The following KIF1A variants were observed in gnomAD, a reference collection of about 807,000 sequenced individuals.
The protein encoded by KIF1A is kinesin-like protein KIF1A.
KIF1A carries 46 observed loss-of-function variants against 227.3 expected under a neutral mutation model. The observed-to-expected ratio is 0.20, with a 90% confidence interval of 0.16 to 0.26. The LOEUF (loss-of-function observed/expected upper bound fraction) is 0.26. Among genes scored for constraint, KIF1A ranks in the 10% least tolerant of loss-of-function variants. The pLI is 1.00. For synonymous variants in KIF1A, 1,022 were observed against 1,012.8 expected (o/e 1.01, Z -0.17); for missense variants, 1,683 against 2,485.9 (o/e 0.68, Z 6.87).
chr2:240,759,679 C>T (rs1188932077), intron 25 of KIF1A, among the ~76,000 whole-genome samples: 3 of 152,150 alleles, frequency 2.0e-5, no homozygotes, highest in Admixed American at 6.5e-5. Context: ...CCACTGATGG[C>T]GCTGACCTCA....
chr2:240,756,169 G>A (rs1197895941), intron 27 of KIF1A, among the ~76,000 whole-genome samples: 2 of 152,098 alleles, frequency 1.3e-5, no homozygotes, highest in Admixed American at 1.3e-4. Context: ...CTGCGATCTG[G>A]GGCCACCCTT....
At chr2:240,772,125 G>C (rs1031399047) in intron 14 of KIF1A, among the ~76,000 whole-genome samples, 1 of 152,232 alleles carries the variant, frequency 6.6e-6, no homozygotes, top group Non-Finnish European at 1.5e-5. Context: ...GGGGGGTCAG[G>C]TCAGCTGGAG....
At position 240,782,784 on chromosome 2, in the gene KIF1A, G is replaced by A. The variant is rs144572902; in HGVS notation, c.865-177C>T. ...GGGTCCCTCCAGGGCCGCCCTTCCC[G>A]GGCCCAGGCCTGGGCTGCCTGCTGC... On this transcript the variant is annotated intron_variant, in intron 9 of 48. Coordinates refer to ENST00000498729, the MANE Select transcript of KIF1A (RefSeq NM_001244008.2). Among the ~76,000 whole-genome samples the A allele has an allele frequency of 2.0e-5, 3 of 152,228 alleles. No individual in the cohort carries two copies. The East Asian group carries it at 5.8e-4, about 30-fold the overall frequency.
intron 10 of KIF1A, among the ~76,000 whole-genome samples, chr2:240,776,887 C>T (rs76933347): frequency 0.029 from 4,446 of 152,284 alleles, 234 homozygotes; most frequent in African/African-American, 0.1. Flanking sequence ...TTGAGACTCC[C>T]AGTCAAAGGG....
At chr2:240,808,227 C>G (rs1027253737) in intron 1 of KIF1A, among the ~76,000 whole-genome samples, 1 of 151,534 alleles carries the variant, frequency 6.6e-6, no homozygotes, top group African/African-American at 2.4e-5. Context: ...ATCTGCAGAC[C>G]ATTTGCTCAT....
At chr2:240,760,882 G>A (rs1459642721) in intron 24 of KIF1A, 39 bp from the exon 25 acceptor site, 4 of 1,573,766 alleles carry the variant, frequency 2.5e-6, no homozygotes, top group African/African-American at 1.4e-5. Context: ...AGCTCCTTGG[G>A]GGACAGGGTG....
chr2:240,749,720 A>C (rs573147855), intron 28 of KIF1A, among the ~76,000 whole-genome samples: 1 of 142,036 alleles, frequency 7.0e-6, no homozygotes, highest in African/African-American at 2.6e-5. Flanking sequence ...TCCCGTTTAC[A>C]TGTGAGCAAA....
chr2:240,801,269 TA>T (rs2126171637), intron 1 of KIF1A, among the ~76,000 whole-genome samples: 1 of 150,020 alleles, frequency 6.7e-6, no homozygotes, highest in Non-Finnish European at 1.5e-5. Flanking sequence ...ACAGAGAATA[TA>T]AATGGAAAAT....
In KIF1A at chr2:240,726,779, C is replaced by A. The variant is rs2046059086; in HGVS notation, c.4122+47G>T. 1 of 1,176,014 alleles carries A rather than the reference C, an allele frequency of 8.5e-7. No homozygotes were observed. The highest frequency in any genetic ancestry group is 1.9e-5 in the Admixed American group (1 of 52,380). 72.8% of individuals were successfully genotyped at this position (1,176,014 alleles called of 1,614,324 possible). ...CAGAGCTTACAAGAACCTCAAGCTT[C>A]AGGGGCTGAGTGGTTTTGGTGGAGT... On this transcript the variant is annotated intron_variant, in intron 39 of 48. Transcript: ENST00000498729. The surrounding 1 kb of genome is among the most constrained non-coding windows in gnomAD (Gnocchi z 5.2).
chr2:240,820,511 G>C (rs2058653937), upstream of KIF1A, among the ~76,000 whole-genome samples: 1 of 151,674 alleles, frequency 6.6e-6, no homozygotes, highest in African/African-American at 2.4e-5. This position sits in a 1 kb window ranked among gnomAD's most constrained non-coding sequence, Gnocchi z 6.2. Context: ...GAGACCTCGC[G>C]GGGGAGGGAC....
At position 240,813,907 on chromosome 2, in the gene KIF1A, C is replaced by G. The variant is rs74000009; in HGVS notation, c.-61+6215G>C. Among the ~76,000 whole-genome samples the G allele has an allele frequency of 9.7e-3, 1,470 of 152,262 alleles. 32 individuals carry two copies. The highest frequency in any genetic ancestry group is 0.034 in the African/African-American group (1,409 of 41,530). On this transcript the variant is annotated intron_variant, in intron 1 of 48. Coordinates refer to ENST00000498729, the MANE Select transcript of KIF1A (RefSeq NM_001244008.2). ...ACCGAGCACAACCTCTGTCCACGCA[C>G]CCGGGAGATTCAAGAAGATGCTCAT... is the stretch of plus-strand genomic sequence containing the variant.
intron 38 of KIF1A, among the ~76,000 whole-genome samples, chr2:240,733,782 G>T (rs1468949973): frequency 6.6e-6 from 1 of 152,220 alleles, no homozygotes; most frequent in Non-Finnish European, 1.5e-5. Context: ...TGGTCTGAAA[G>T]GCCTTCTGCT....
chr2:240,765,957 G>T (rs2051117359), intron 19 of KIF1A, among the ~76,000 whole-genome samples, 164 bp from the exon 20 acceptor site: 1 of 152,242 alleles, frequency 6.6e-6, no homozygotes, highest in Non-Finnish European at 1.5e-5. Flanking sequence ...GGGCCTCAGA[G>T]GAGCTTAGGG....
chr2:240,795,919 C>T (rs776915776), intron 2 of KIF1A, among the ~76,000 whole-genome samples: 84 of 152,188 alleles, frequency 5.5e-4, no homozygotes, highest in Non-Finnish European at 7.1e-4. Flanking sequence ...AGCTGCTCGA[C>T]GGGTCTGGTT....
chr2:240,783,424 T>TC (rs2054325980), intron 8 of KIF1A, among the ~76,000 whole-genome samples: 1 of 152,146 alleles, frequency 6.6e-6, no homozygotes, highest in Non-Finnish European at 1.5e-5. Context: ...ACACACTCCT[T>TC]CCCGACCCCG....
intron 38 of KIF1A, among the ~76,000 whole-genome samples, chr2:240,732,330 G>T (rs576304198): frequency 7.0e-6 from 1 of 143,516 alleles, no homozygotes; most frequent in Non-Finnish European, 1.5e-5. Flanking sequence ...AGGAAATGAG[G>T]GGGTGAAGGA....
intron 14 of KIF1A, 123 bp downstream of exon 14, chr2:240,772,447 A>G (rs1018858748): frequency 5.1e-6 from 4 of 789,932 alleles, no homozygotes; most frequent in Non-Finnish European, 8.4e-6. Context: ...CTGCCCCCCA[A>G]AAAGGAGAAG....
At chr2:240,805,974 C>T (rs926494036) in intron 1 of KIF1A, among the ~76,000 whole-genome samples, 18 of 152,124 alleles carry the variant, frequency 1.2e-4, no homozygotes, top group Admixed American at 7.2e-4. Context: ...ATGACAGAGT[C>T]CCAGGGACCA....
chr2:240,730,845 G>A (rs570961335), intron 38 of KIF1A, among the ~76,000 whole-genome samples: 35 of 152,174 alleles, frequency 2.3e-4, no homozygotes, highest in Admixed American at 7.2e-4. Flanking sequence ...TGCAGCATTC[G>A]CACAGGGCCC....
Sources: gnomAD v4.1 joint callset for allele counts (sites outside exome capture counted in the v4.1 genomes callset) on GRCh38, gnomAD v4.1.1 for gene constraint, Gnocchi (gnomAD v3.1) non-coding constraint, MANE v1.5 for transcripts, NCBI Gene and HGNC (gene_info 2026-07-23, HGNC 2026-07-21) for gene names.